Variants in FMN1 observed in about 807,000 individuals in gnomAD.
The protein encoded by FMN1 is formin-1.
FMN1 carries 110 observed loss-of-function variants against 132.4 expected under a neutral mutation model. The observed-to-expected ratio is 0.83, with a 90% CI of 0.71 to 0.97. The LOEUF is 0.97. Ranked by LOEUF, FMN1 falls within the 50% of genes least tolerant of loss-of-function variation. The probability of loss-of-function intolerance (pLI) is 0.00; values close to 1 mark genes in which losing one functional copy is unlikely to be tolerated. For synonymous variants in FMN1, 722 were observed against 651.7 expected (o/e 1.11, Z -1.64); for missense variants, 1,792 against 1,705.3 (o/e 1.05, Z -0.90).
chr15:32,853,063 T>G (rs1056728627), intron 17 of FMN1, among the ~76,000 whole-genome samples: 1 of 152,330 alleles, frequency 6.6e-6, no homozygotes, highest in Middle Eastern at 3.4e-3. Flanking sequence ...TTTCCTCATC[T>G]GTATAGCAGG....
At chr15:33,177,802 C>T (rs1455314125) in intron 3 of FMN1, among the ~76,000 whole-genome samples, 1 of 152,030 alleles carries the variant, frequency 6.6e-6, no homozygotes, top group East Asian at 1.9e-4. Flanking sequence ...GTCAGGAGTT[C>T]GAGACCAGCC....
chr15:33,128,107 G>A (rs1233256525), intron 4 of FMN1, among the ~76,000 whole-genome samples: 1 of 152,134 alleles, frequency 6.6e-6, no homozygotes, highest in African/African-American at 2.4e-5. Context: ...GCCAGAAGAA[G>A]GGAGAGGAGA....
intron 7 of FMN1, among the ~76,000 whole-genome samples, chr15:32,988,204 C>A (rs1196706793): frequency 1.3e-5 from 2 of 151,954 alleles, no homozygotes; most frequent in African/African-American, 4.8e-5. Flanking sequence ...AGAAAAAAAT[C>A]ATCTGAGAAT....
chr15:32,883,414 G>A (rs1473105908), intron 16 of FMN1, among the ~76,000 whole-genome samples: 4 of 147,968 alleles, frequency 2.7e-5, no homozygotes, highest in South Asian at 2.2e-4. Context: ...GGAGGCTGAG[G>A]TAGGAGGATT....
At chr15:32,827,800 C>T (rs1205423658) in intron 17 of FMN1, among the ~76,000 whole-genome samples, 8 of 150,970 alleles carry the variant, frequency 5.3e-5, no homozygotes, top group South Asian at 4.2e-4. Flanking sequence ...GCGGAGATTG[C>T]GCCACTGCAC....
chr15:32,828,164 C>T (rs1454306399), intron 17 of FMN1, among the ~76,000 whole-genome samples: 6 of 151,968 alleles, frequency 3.9e-5, no homozygotes, highest in Admixed American at 6.6e-5. Context: ...ATCCCAGCTA[C>T]GTGGGAGGCT....
At chr15:32,790,172 AG>A (rs762718867) in intron 19 of FMN1, among the ~76,000 whole-genome samples, 120 of 152,242 alleles carry the variant, frequency 7.9e-4, no homozygotes, top group Non-Finnish European at 1.4e-3. Context: ...GGCTGATCCC[AG>A]GAATAACACT....
chr15:32,794,821 T>G (rs1195177621), intron 19 of FMN1, among the ~76,000 whole-genome samples: 1 of 152,150 alleles, frequency 6.6e-6, no homozygotes, highest in African/African-American at 2.4e-5. Context: ...TTATGATACA[T>G]CGTAAATGCA....
chr15:32,959,227 C>T (rs993931261), intron 9 of FMN1, among the ~76,000 whole-genome samples: 5 of 152,118 alleles, frequency 3.3e-5, no homozygotes, highest in African/African-American at 1.2e-4. Flanking sequence ...GGGAACCATT[C>T]CATGATCCAG....
chr15:33,124,529 T>C (rs1372592862), intron 4 of FMN1, among the ~76,000 whole-genome samples: 2 of 110,392 alleles, frequency 1.8e-5, no homozygotes, highest in Non-Finnish European at 3.6e-5. Flanking sequence ...TCTCCCAAAG[T>C]GATCCTAATG....
rs2059938765 is a variant in FMN1, at chr15:32,888,163, T to G, written c.3835+9A>C. The G allele has an allele frequency of 1.2e-6, 2 of 1,600,888 alleles. No homozygotes were observed. The highest frequency in any genetic ancestry group is 2.7e-5 in the African/African-American group (2 of 74,088). ...GCTATTATCATAATAGCAGAACAGT[T>G]CCTATTACCTTCTAGTTGCCTCTTC... On this transcript the variant is annotated intron_variant, in intron 16 of 20. Coordinates refer to ENST00000616417, the MANE Select transcript of FMN1 (RefSeq NM_001277313.2).
In FMN1 at chr15:32,968,971, C is replaced by A; in HGVS notation, c.2730G>T (p.Pro910=). The A allele has an allele frequency of 2.2e-6, 2 of 909,368 alleles. No homozygotes were observed. The highest frequency in any genetic ancestry group is 3.3e-6 in the Non-Finnish European group (2 of 609,444). The allele number at this position is 909,368 out of a possible 1,614,324, so 56.3% of individuals were successfully genotyped here. Reference sequence around the variant, plus strand: ...CACTTGAAGGTGGAGGTAGAGGTGGCGGTGGAGGAGGCGGAGGTGGTAGCG... The same window carrying A: ...CACTTGAAGGTGGAGGTAGAGGTGGAGGTGGAGGAGGCGGAGGTGGTAGCG... ...GPPLPPPPPP[P]PPLPPPSSAG... The change falls in exon 8 of 21, where the codon CCG becomes CCT. Residue 910 remains proline, a synonymous_variant. Coordinates refer to ENST00000616417, the MANE Select transcript of FMN1 (RefSeq NM_001277313.2).
chr15:33,137,752 G>A (rs373867596), intron 4 of FMN1, among the ~76,000 whole-genome samples: 2 of 152,288 alleles, frequency 1.3e-5, no homozygotes, highest in East Asian at 1.9e-4. Flanking sequence ...GGAGCATCAG[G>A]TACTGCGGTT....
chr15:33,161,041 G>A (rs1394351144), intron 3 of FMN1, among the ~76,000 whole-genome samples: 2 of 152,200 alleles, frequency 1.3e-5, no homozygotes, highest in East Asian at 3.8e-4. Flanking sequence ...CATTCTGTCT[G>A]CTGACGGCAG....
chr15:33,023,078 G>GAAAAAAAAAA (rs3081422), intron 6 of FMN1, among the ~76,000 whole-genome samples: 1 of 116,066 alleles, frequency 8.6e-6, no homozygotes, highest in African/African-American at 3.4e-5. Flanking sequence ...AAAAAAAAAA[G>GAAAAAAAAAA]AAAAAAAAGA....
chr15:32,881,823 C>G lies in FMN1; in HGVS notation c.3835+6349G>C, dbSNP rs560526763. On this transcript the variant is annotated intron_variant, in intron 16 of 20. Transcript: ENST00000616417. ...TGACTTGACAAGTTCTGGAAAATTC[C>G]CTTACCTTCTCATCTACATCAGGAG... Among the ~76,000 whole-genome samples, 3 of 152,236 alleles carry G rather than the reference C, an allele frequency of 2.0e-5. No homozygotes were observed. In the East Asian group the frequency reaches 5.8e-4, roughly 29 times the overall value.
chr15:33,132,551 C>T (rs906737297), intron 4 of FMN1, among the ~76,000 whole-genome samples: 1 of 152,118 alleles, frequency 6.6e-6, no homozygotes, highest in South Asian at 2.1e-4. Flanking sequence ...AGTGCCAGGT[C>T]GTTTGCAGTA....
intron 17 of FMN1, among the ~76,000 whole-genome samples, chr15:32,838,654 T>G (rs2058679472): frequency 6.6e-6 from 1 of 152,194 alleles, no homozygotes; most frequent in African/African-American, 2.4e-5. Flanking sequence ...TGTCAGCATT[T>G]GGCTAATTAA....
intron 18 of FMN1, among the ~76,000 whole-genome samples, chr15:32,801,338 C>CT (rs976114667): frequency 1.3e-5 from 2 of 152,010 alleles, no homozygotes; most frequent in South Asian, 2.1e-4. Flanking sequence ...AAATTTCAGC[C>CT]TTTTTTTTCT....
Sources: gnomAD v4.1 joint callset for allele counts (sites outside exome capture counted in the v4.1 genomes callset) on GRCh38, gnomAD v4.1.1 for gene constraint, MANE v1.5 for transcripts, NCBI Gene and HGNC (gene_info 2026-07-23, HGNC 2026-07-21) for gene names.